Variants in RARA observed in about 807,000 individuals in gnomAD.
RARA encodes retinoic acid receptor alpha, also known as PML-DDX5-RARA fusion.
A neutral mutation model predicts 42.8 loss-of-function variants in RARA; 5 were observed. The observed-to-expected ratio is 0.12, with a 90% CI of 0.06 to 0.25. The LOEUF (loss-of-function observed/expected upper bound fraction) is 0.25. Ranked by LOEUF, RARA falls within the 10% of genes least tolerant of loss-of-function variation. The pLI, the probability that RARA is intolerant of heterozygous loss-of-function variation, is 1.00. For synonymous variants in RARA, 256 were observed against 259.5 expected (o/e 0.99, Z 0.13); for missense variants, 402 against 628.7 (o/e 0.64, Z 3.86).
intron 2 of RARA, among the ~76,000 whole-genome samples, chr17:40,336,297 A>T (rs574488571): frequency 6.6e-6 from 1 of 152,234 alleles, no homozygotes; most frequent in East Asian, 1.9e-4. Flanking sequence ...GCTGGTCTTG[A>T]ACTCCTGACC....
intron 1 of RARA, among the ~76,000 whole-genome samples, chr17:40,315,140 A>ATATATATATATGCTTATATGTATATG (rs2033177592): frequency 4.1e-5 from 4 of 97,928 alleles, no homozygotes; most frequent in African/African-American, 2.3e-4. Flanking sequence ...GTGTATATAT[A>ATATATATATATGCTTATATGTATATG]TATATATATA....
chr17:40,322,000 C>T (rs2143204658), intron 1 of RARA, among the ~76,000 whole-genome samples: 2 of 152,234 alleles, frequency 1.3e-5, no homozygotes, highest in South Asian at 4.2e-4. Context: ...AGCTGTGCTG[C>T]CCTGGCAGGG....
intron 2 of RARA, chr17:40,343,077 T>A: frequency 1.1e-6 from 1 of 909,860 alleles, no homozygotes; most frequent in Non-Finnish European, 1.5e-6. Context: ...AGATTAGGGC[T>A]GAGGAACTTT....
intron 6 of RARA, among the ~76,000 whole-genome samples, chr17:40,353,931 C>T (rs1161678768): frequency 6.6e-6 from 1 of 152,184 alleles, no homozygotes; most frequent in Non-Finnish European, 1.5e-5. Context: ...TGTTCCTTAG[C>T]TCCTAGAAAT....
chr17:40,330,961 C>T lies in RARA; in HGVS notation c.-258C>T. 2 of 439,156 alleles carry T rather than the reference C, an allele frequency of 4.6e-6. No individual in the cohort carries two copies. Among genetic ancestry groups the T allele is most frequent in the South Asian group, 4.4e-5 (1 of 22,668 alleles). The allele number at this position is 439,156 out of a possible 1,614,324, so 27.2% of individuals were successfully genotyped here. On this transcript the variant is annotated 5_prime_UTR_variant, in exon 2 of 9. Transcript: ENST00000254066. ...GCTCTGGACCTTCCCAGGAAAAGTG[C>T]CAGCTCACAGAACTGCTTGACCAAA... is the stretch of plus-strand genomic sequence containing the variant.
At chr17:40,331,561 C>T (rs1460707752) in intron 2 of RARA, among the ~76,000 whole-genome samples, 165 bp downstream of exon 2, 1 of 152,102 alleles carries the variant, frequency 6.6e-6, no homozygotes, top group African/African-American at 2.4e-5. Flanking sequence ...AAAATGAAAG[C>T]CCTATGGCCT....
intron 1 of RARA, among the ~76,000 whole-genome samples, chr17:40,312,904 C>G (rs2033124697): frequency 6.6e-6 from 1 of 152,210 alleles, no homozygotes; most frequent in African/African-American, 2.4e-5. Flanking sequence ...TGGTTCCTCA[C>G]CACAGCTCAG....
At chr17:40,342,729 G>A in intron 2 of RARA, 2 of 1,612,360 alleles carry the variant, frequency 1.2e-6, no homozygotes, top group Non-Finnish European at 1.7e-6. Flanking sequence ...AGAAGTGGGG[G>A]GTCCCACCCC....
At position 40,352,489 on chromosome 17, in the gene RARA, T is replaced by C; in HGVS notation, c.789T>C (p.Ala263=). 5 of 1,609,082 alleles carry C rather than the reference T, an allele frequency of 3.1e-6. No homozygotes were observed. Among genetic ancestry groups the C allele is most frequent in the Non-Finnish European group, 4.2e-6 (5 of 1,177,122 alleles). Residue 263 remains alanine, a synonymous_variant, in exon 6 of 9, where the codon GCT becomes GCC. Transcript: ENST00000254066. This position sits in a 1 kb window ranked among gnomAD's most constrained non-coding sequence, Gnocchi z 4.9. Reference sequence around the variant, plus strand: ...CCGACCAGATCACCCTCCTCAAGGCTGCCTGCCTGGACATCCTGGTGAGGG... The same window carrying C: ...CCGACCAGATCACCCTCCTCAAGGCCGCCTGCCTGGACATCCTGGTGAGGG... The part of the protein sequence containing the change: ...TIADQITLLK[A]ACLDILILRI...
In RARA at chr17:40,341,482, C is replaced by T. The variant is rs2034035076; in HGVS notation, c.179-6834C>T. The T allele has an allele frequency of 4.7e-6, 7 of 1,504,548 alleles. No individual in the cohort carries two copies. In the African/African-American group the frequency reaches 8.7e-5, roughly 19 times the overall value. 93.2% of individuals were successfully genotyped at this position (1,504,548 alleles called of 1,614,324 possible). ...ACACCCGGGTGCCAAACACTTGGCC[C>T]CGCGCGACCCGGCCCTACGCCTCCT... is the stretch of plus-strand genomic sequence containing the variant. On this transcript the variant is annotated intron_variant, in intron 2 of 8. Transcript: ENST00000254066.
intron 1 of RARA, among the ~76,000 whole-genome samples, chr17:40,314,049 C>T (rs929796336): frequency 6.6e-6 from 1 of 152,110 alleles, no homozygotes; most frequent in Non-Finnish European, 1.5e-5. Context: ...CTCTCATATA[C>T]TAGGCTGGTC....
In RARA at chr17:40,356,212, A is replaced by C. The variant is rs2143550616; in HGVS notation, c.1375A>C (p.Thr459Pro). The C allele has an allele frequency of 6.5e-7, 1 of 1,549,822 alleles. No individual in the cohort carries two copies. The highest frequency in any genetic ancestry group is 8.7e-7 in the Non-Finnish European group (1 of 1,146,852). ...SPSSNRSSPA[T>P]HSP is the part of the protein sequence containing the mutation. ...CAGCTCCAACAGAAGCAGCCCGGCC[A>C]CCCACTCCCCGTGACCGCCCACGCC... is the stretch of plus-strand genomic sequence containing the variant. Residue 459 changes from threonine to proline, a missense_variant, in exon 9 of 9, where the codon ACC (threonine) becomes CCC (proline). Transcript: ENST00000254066.
At chr17:40,341,302 A>G (rs903527243) in intron 2 of RARA, 118 of 1,377,522 alleles carry the variant, frequency 8.6e-5, no homozygotes, top group Non-Finnish European at 1.1e-4. Flanking sequence ...GGAAGCACGC[A>G]GAGCGTGGGG....
At chr17:40,334,962 G>A (rs530301957) in intron 2 of RARA, among the ~76,000 whole-genome samples, 3 of 152,218 alleles carry the variant, frequency 2.0e-5, no homozygotes, top group East Asian at 3.9e-4. Context: ...GATTCTCCCC[G>A]CCCCCTAAAC....
intron 1 of RARA, chr17:40,318,310 C>G (rs532570245): frequency 6.6e-6 from 1 of 152,586 alleles, no homozygotes; most frequent in Non-Finnish European, 1.5e-5. Context: ...GCCATCGCCC[C>G]GCGCCCCTGA....
chr17:40,355,990 G>T lies in RARA; in HGVS notation c.1172-19G>T. 1 of 1,583,172 alleles carries T rather than the reference G, an allele frequency of 6.3e-7. No individual in the cohort carries two copies. Among genetic ancestry groups the T allele is most frequent in the Non-Finnish European group, 8.6e-7 (1 of 1,165,716 alleles). On this transcript the variant is annotated intron_variant, in intron 8 of 8. Coordinates refer to ENST00000254066, the MANE Select transcript of RARA (RefSeq NM_000964.4). This position sits in a 1 kb window ranked among gnomAD's most constrained non-coding sequence, Gnocchi z 4.1. ...GGGCTGGCCCAGCGTGCTGACCTCT[G>T]CCCCCTCCTTTCCTGCAGGGGCTGA...
intron 2 of RARA, chr17:40,342,908 A>T (rs753343909): frequency 2.9e-5 from 46 of 1,580,000 alleles, no homozygotes; most frequent in Non-Finnish European, 4.0e-5. Context: ...AGGGGGTGGG[A>T]GTGGGCGGTA....
intron 4 of RARA, 108 bp downstream of exon 4, chr17:40,350,033 C>A: frequency 6.8e-7 from 1 of 1,473,190 alleles, no homozygotes. Flanking sequence ...TGCATGAACA[C>A]GCATGCCGTG....
chr17:40,340,830 C>G (rs2034010429), intron 2 of RARA: 1 of 399,894 alleles, frequency 2.5e-6, no homozygotes, highest in South Asian at 1.3e-4. Flanking sequence ...TTGAATTGGC[C>G]TAGCTTGGTA....
Sources: gnomAD v4.1 joint callset for allele counts (sites outside exome capture counted in the v4.1 genomes callset) on GRCh38, gnomAD v4.1.1 for gene constraint, Gnocchi (gnomAD v3.1) non-coding constraint, MANE v1.5 for transcripts, NCBI Gene and HGNC (gene_info 2026-07-23, HGNC 2026-07-21) for gene names.